CTNND1: variants seen among roughly 807,000 people sequenced by gnomAD.
The protein encoded by CTNND1 is catenin delta 1, also known as catenin delta-1.
In CTNND1, 16 loss-of-function variants were observed where a neutral mutation model predicts 112.1. The ratio of observed to expected loss-of-function variants is 0.14; its 90% CI spans 0.10 to 0.22. CTNND1 has a LOEUF of 0.22. Ranked by LOEUF, CTNND1 falls within the 10% of genes least tolerant of loss-of-function variation. CTNND1 has a pLI of 1.00. For missense variants in CTNND1, 1,008 were observed against 1,257.0 expected, an observed-to-expected ratio of 0.80 and a Z score of 3.00; for synonymous variants, 420 against 446.5, an observed-to-expected ratio of 0.94 and a Z score of 0.75.
chr11:57,808,349 C>T lies in CTNND1; in HGVS notation c.2092-41C>T. On this transcript the variant is annotated intron_variant, in intron 13 of 20. Transcript: ENST00000399050. The stretch of plus-strand genomic sequence containing the variant: ...AAAACTTAGATAACTAGTTTGCTGC[C>T]ATTTGTAATTTGTTCCACCCCTTTC... The T allele has an allele frequency of 1.9e-6, 3 of 1,598,436 alleles. No homozygotes were observed. In the Middle Eastern group the frequency reaches 5.0e-4, roughly 265 times the overall value.
chr11:57,809,932 A>G (rs1385588568), intron 15 of CTNND1, among the ~76,000 whole-genome samples, 177 bp from the exon 16 acceptor site: 3 of 152,166 alleles, frequency 2.0e-5, no homozygotes, highest in Non-Finnish European at 2.9e-5. Flanking sequence ...GATGGTCTCC[A>G]TCTCCTGACC....
intron 19 of CTNND1, 102 bp downstream of exon 19, chr11:57,815,602 C>T: frequency 9.6e-7 from 1 of 1,043,846 alleles, no homozygotes; most frequent in Non-Finnish European, 1.5e-6. Context: ...AGATCGCATC[C>T]TTTTCTGGTA....
intron 1 of CTNND1, among the ~76,000 whole-genome samples, chr11:57,776,973 C>G (rs747578737): frequency 2.6e-4 from 40 of 152,316 alleles, no homozygotes; most frequent in Non-Finnish European, 5.3e-4. Flanking sequence ...ATCTACTTCA[C>G]ACCGTGGTAC....
chr11:57,768,117 G>C (rs947593071), intron 1 of CTNND1, among the ~76,000 whole-genome samples: 1 of 150,300 alleles, frequency 6.7e-6, no homozygotes, highest in East Asian at 2.1e-4. Flanking sequence ...TTACAGGCGT[G>C]AGCCACCATG....
In CTNND1 at chr11:57,789,116, C is replaced by T; in HGVS notation, c.-134C>T. 1 of 1,535,528 alleles carries T rather than the reference C, an allele frequency of 6.5e-7. No individual in the cohort carries two copies. The highest frequency in any genetic ancestry group is 1.2e-5 in the South Asian group (1 of 84,054). On this transcript the variant is annotated 5_prime_UTR_variant, in exon 2 of 21. Transcript: ENST00000399050. ...TTTTTTGAATCTAGACTGGGCTGTT[C>T]TCTGTGTTAAACCAATCAGTTGCGA... is the stretch of plus-strand genomic sequence containing the variant.
rs527898198 is a variant in CTNND1, at chr11:57,793,942, A to T, written c.196-68A>T. On this transcript the variant is annotated intron_variant, in intron 3 of 20. Transcript: ENST00000399050. ...AGCCCTTTTCCTGTTTGAAAAAAAG[A>T]TCGTTTGTATTTGATAGAGCAAAAG... The T allele has an allele frequency of 2.0e-6, 3 of 1,512,538 alleles. No individual in the cohort carries two copies. The South Asian group carries it at 3.4e-5, about 17-fold the overall frequency. The allele number at this position is 1,512,538 out of a possible 1,614,324, so 93.7% of individuals were successfully genotyped here.
At chr11:57,779,219 C>T (rs2059321856) in intron 1 of CTNND1, among the ~76,000 whole-genome samples, 1 of 152,168 alleles carries the variant, frequency 6.6e-6, no homozygotes, top group Admixed American at 6.5e-5. Flanking sequence ...TGGCACCCTA[C>T]TGCATACAGA....
chr11:57,811,656 GA>G (rs2063370044), intron 17 of CTNND1, among the ~76,000 whole-genome samples, 170 bp downstream of exon 17: 1 of 152,150 alleles, frequency 6.6e-6, no homozygotes, highest in South Asian at 2.1e-4. Flanking sequence ...TTAAGCATTA[GA>G]AATCAAAACA....
intron 1 of CTNND1, among the ~76,000 whole-genome samples, chr11:57,777,931 A>G (rs1269661575): frequency 6.6e-6 from 1 of 152,206 alleles, no homozygotes; most frequent in African/African-American, 2.4e-5. Flanking sequence ...GTTGTACAAG[A>G]TAATAGAAAA....
At chr11:57,805,268 G>A (rs1001058917) in intron 9 of CTNND1, among the ~76,000 whole-genome samples, 1 of 151,830 alleles carries the variant, frequency 6.6e-6, no homozygotes, top group African/African-American at 2.4e-5. Context: ...GTTTTTTTGA[G>A]ATGGAGTCTG....
intron 9 of CTNND1, among the ~76,000 whole-genome samples, chr11:57,805,348 C>T (rs1020517318): frequency 5.9e-5 from 9 of 152,084 alleles, no homozygotes; most frequent in Non-Finnish European, 1.3e-4. Flanking sequence ...TGGGTTCAAG[C>T]AATTCTCTGC....
intron 4 of CTNND1, 53 bp downstream of exon 4, chr11:57,794,134 C>T (rs1591472557): frequency 1.3e-6 from 2 of 1,512,552 alleles, no homozygotes. Flanking sequence ...TCTTATTTCC[C>T]CAGCCTATAA....
chr11:57,797,527 G>C (rs553129405), intron 6 of CTNND1, among the ~76,000 whole-genome samples: 28 of 101,060 alleles, frequency 2.8e-4, no homozygotes, highest in African/African-American at 9.6e-4. Flanking sequence ...CACCGCGCCT[G>C]GTCCACAAGT....
intron 1 of CTNND1, among the ~76,000 whole-genome samples, chr11:57,775,778 A>G (rs1005061696): frequency 1.2e-4 from 18 of 152,112 alleles, no homozygotes; most frequent in African/African-American, 4.1e-4. Context: ...TCGTGTTACC[A>G]CTAATGTTCG....
chr11:57,812,680 A>ATTGT (rs757637152), intron 17 of CTNND1, among the ~76,000 whole-genome samples: 35 of 151,906 alleles, frequency 2.3e-4, no homozygotes, highest in Non-Finnish European at 3.8e-4. Context: ...CCACTTTTTA[A>ATTGT]TTGTTTATTT....
In CTNND1 at chr11:57,806,055, T is replaced by G. The variant is rs1369174120; in HGVS notation, c.1876+20T>G. On this transcript the variant is annotated intron_variant, in intron 10 of 20. Coordinates refer to ENST00000399050, the MANE Select transcript of CTNND1 (RefSeq NM_001085458.2). ...GCAAAGGTGAGTCTTGGTTCCTGTT[T>G]CTTAGTCTTTAATGTGGGATAGGGA... 2.2e-5 allele frequency: 36 copies of G among 1,600,670 alleles called. No individual in the cohort carries two copies. Among genetic ancestry groups the G allele is most frequent in the Non-Finnish European group, 3.1e-5 (36 of 1,172,942 alleles).
At chr11:57,769,916 A>G (rs1952124434) in intron 1 of CTNND1, among the ~76,000 whole-genome samples, 1 of 152,094 alleles carries the variant, frequency 6.6e-6, no homozygotes, top group African/African-American at 2.4e-5. Context: ...TTTAGTTGAC[A>G]GTTGAGCAAA....
At position 57,792,451 on chromosome 11, in the gene CTNND1, ATG is replaced by A. The variant is rs1056709309; in HGVS notation, c.195+789_195+790del. ...TGCGTGTGTGCGCGCGCACTCGCGC[ATG>A]TGTGTGTGTGGTAGACATTGCCTGA... On this transcript the variant is annotated intron_variant, in intron 3 of 20. Coordinates refer to ENST00000399050, the MANE Select transcript of CTNND1 (RefSeq NM_001085458.2). Among the ~76,000 whole-genome samples the A allele has an allele frequency of 2.0e-5, 3 of 152,026 alleles. No individual in the cohort carries two copies. The South Asian group carries it at 6.2e-4, about 31-fold the overall frequency.
intron 1 of CTNND1, among the ~76,000 whole-genome samples, chr11:57,768,386 CTTTTTTT>C (rs10617530): frequency 2.5e-5 from 1 of 40,282 alleles, no homozygotes; most frequent in Non-Finnish European, 4.9e-5. Context: ...GGACATCATC[CTTTTTTT>C]TTTTTTTTTT....
Sources: gnomAD v4.1 joint callset for allele counts (sites outside exome capture counted in the v4.1 genomes callset) on GRCh38, gnomAD v4.1.1 for gene constraint, MANE v1.5 for transcripts, NCBI Gene and HGNC (gene_info 2026-07-23, HGNC 2026-07-21) for gene names.